Variants in PEX14 observed in about 807,000 individuals in gnomAD.
The protein encoded by PEX14 is peroxisomal biogenesis factor 14, also known as peroxisomal membrane protein PEX14.
PEX14 carries 15 observed loss-of-function variants against 49.5 expected under a neutral mutation model. The observed-to-expected ratio is 0.30, with a 90% CI of 0.20 to 0.47. The LOEUF (loss-of-function observed/expected upper bound fraction) is 0.47. PEX14 is among the 20% of genes least tolerant of loss of function. The pLI is 1.00. For missense variants in PEX14, 398 were observed against 494.8 expected (o/e 0.80, Z 1.86); for synonymous variants, 210 against 212.7 (o/e 0.99, Z 0.11).
chr1:10,485,460 T>A (rs1641351651), intron 1 of PEX14, among the ~76,000 whole-genome samples: 1 of 150,948 alleles, frequency 6.6e-6, no homozygotes, highest in African/African-American at 2.5e-5. Flanking sequence ...AAGACTCAGG[T>A]GCATGCCACC....
At chr1:10,587,920 TA>T (rs1290613528) in intron 3 of PEX14, among the ~76,000 whole-genome samples, 3 of 64,074 alleles carry the variant, frequency 4.7e-5, no homozygotes, top group East Asian at 9.4e-4. Context: ...TTTTTTTTTT[TA>T]AAAAAAAAAG....
chr1:10,615,569 C>T (rs754735857), intron 4 of PEX14, among the ~76,000 whole-genome samples: 4 of 152,224 alleles, frequency 2.6e-5, no homozygotes, highest in African/African-American at 4.8e-5. Flanking sequence ...GAATTATCGG[C>T]CCCATGGAGG....
At chr1:10,527,871 A>G (rs1266254406) in intron 2 of PEX14, among the ~76,000 whole-genome samples, 1 of 152,078 alleles carries the variant, frequency 6.6e-6, no homozygotes, top group East Asian at 1.9e-4. Flanking sequence ...GGGTTTCGCC[A>G]TGTTGGCCAG....
rs149147716 is a variant in PEX14, at chr1:10,514,532, A to T, written c.84+19211A>T. ...TTCAAGGTTCCACGTTCACACAGGA[A>T]CTTTGGGCCTAAGACGCAACTCAAG... On this transcript the variant is annotated intron_variant, in intron 2 of 8. Coordinates refer to ENST00000356607, the MANE Select transcript of PEX14 (RefSeq NM_004565.3). This position sits in a 1 kb window ranked among gnomAD's most constrained non-coding sequence, Gnocchi z 4.4. Among the ~76,000 whole-genome samples the T allele has an allele frequency of 2.4e-3, 364 of 152,268 alleles. No individual in the cohort carries two copies. The highest frequency in any genetic ancestry group is 8.2e-3 in the African/African-American group (340 of 41,564).
chr1:10,498,710 A>T (rs1177741889), intron 2 of PEX14, among the ~76,000 whole-genome samples: 1 of 152,188 alleles, frequency 6.6e-6, no homozygotes, highest in Non-Finnish European at 1.5e-5. Context: ...AGGGCTAGAG[A>T]TTGGTGAACA....
intron 3 of PEX14, among the ~76,000 whole-genome samples, chr1:10,572,996 A>C (rs964815641): frequency 1.3e-5 from 2 of 152,214 alleles, no homozygotes; most frequent in African/African-American, 2.4e-5. Context: ...GTTACTGAAA[A>C]GGATACTGTA....
At position 10,497,312 on chromosome 1, in the gene PEX14, C is replaced by T. The variant is rs372271544; in HGVS notation, c.84+1991C>T. ...AGGGCGGGGGCACAAGATGGGCAGC[C>T]CCCTTGCACAGAAAGCCCCACAGCT... On this transcript the variant is annotated intron_variant, in intron 2 of 8. Coordinates refer to ENST00000356607, the MANE Select transcript of PEX14 (RefSeq NM_004565.3). Among the ~76,000 whole-genome samples, 31 of 152,278 alleles carry T rather than the reference C, an allele frequency of 2.0e-4. 1 individual carries two copies. In the South Asian group the frequency reaches 6.4e-3, roughly 32 times the overall value.
At position 10,574,962 on chromosome 1, in the gene PEX14, A is replaced by G. The variant is rs531680870; in HGVS notation, c.170-24276A>G. Among the ~76,000 whole-genome samples the G allele has an allele frequency of 7.9e-5, 12 of 152,126 alleles. No individual in the cohort carries two copies. The South Asian group carries it at 1.9e-3, about 24-fold the overall frequency. On this transcript the variant is annotated intron_variant, in intron 3 of 8. Coordinates refer to ENST00000356607, the MANE Select transcript of PEX14 (RefSeq NM_004565.3). ...CCCATCTGAAAAAAATTCGTAAAAG[A>G]TAAACCAGGTATGGTGGTGTGCACT...
chr1:10,511,767 C>T (rs556779858), intron 2 of PEX14, among the ~76,000 whole-genome samples: 13 of 152,032 alleles, frequency 8.6e-5, no homozygotes, highest in African/African-American at 2.2e-4. Flanking sequence ...CTCTGTGGCC[C>T]GTGGGACCTC....
Position 10,628,574 on chromosome 1 carries a change from C to T in PEX14, c.678-957C>T, listed in dbSNP as rs1430217361. Among the ~76,000 whole-genome samples, 3 of 152,286 alleles carry T rather than the reference C, an allele frequency of 2.0e-5. No individual in the cohort carries two copies. Among genetic ancestry groups the T allele is most frequent in the Non-Finnish European group, 4.4e-5 (3 of 68,054 alleles). On this transcript the variant is annotated intron_variant, in intron 8 of 8. Coordinates refer to ENST00000356607, the MANE Select transcript of PEX14 (RefSeq NM_004565.3). This position sits in a 1 kb window ranked among gnomAD's most constrained non-coding sequence, Gnocchi z 4.5. ...CAGAGCATTGTCATTAGGAGACAGC[C>T]TCCATTTTCCCTAACCGAGACCAGT...
chr1:10,556,315 T>A (rs1018201283), intron 3 of PEX14, among the ~76,000 whole-genome samples: 11 of 152,244 alleles, frequency 7.2e-5, no homozygotes, highest in African/African-American at 2.6e-4. Context: ...GCAGCTGTGA[T>A]CAGAATTCCA....
At chr1:10,523,954 C>T (rs1378958155) in intron 2 of PEX14, among the ~76,000 whole-genome samples, 1 of 151,754 alleles carries the variant, frequency 6.6e-6, no homozygotes, top group Admixed American at 6.6e-5. Context: ...ATAAAAGCTC[C>T]TTTATTACTT....
intron 3 of PEX14, among the ~76,000 whole-genome samples, chr1:10,542,054 G>C (rs1352400335): frequency 2.0e-5 from 3 of 150,324 alleles, no homozygotes; most frequent in Non-Finnish European, 2.9e-5. Flanking sequence ...AAAGGAAAGT[G>C]ACAAAATGAC....
intron 3 of PEX14, among the ~76,000 whole-genome samples, chr1:10,548,370 G>A (rs1423004887): frequency 1.3e-5 from 2 of 152,234 alleles, no homozygotes; most frequent in African/African-American, 2.4e-5. Flanking sequence ...TATTGGAACT[G>A]TTGGAAAATG....
Position 10,490,097 on chromosome 1 carries a change from G to A in PEX14, c.37-5177G>A, listed in dbSNP as rs79834892. ...AATGTGAGGTGGTGGTATTATTCCC[G>A]TTATTCCCATAGATGAGGAAACTGA... On this transcript the variant is annotated intron_variant, in intron 1 of 8. Coordinates refer to ENST00000356607, the MANE Select transcript of PEX14 (RefSeq NM_004565.3). Among the ~76,000 whole-genome samples the A allele has an allele frequency of 2.2e-3, 338 of 152,268 alleles. 2 individuals carry two copies. The highest frequency in any genetic ancestry group is 7.7e-3 in the African/African-American group (318 of 41,542).
At chr1:10,591,635 C>CTGTGTGTGTGTG (rs61635531) in intron 3 of PEX14, among the ~76,000 whole-genome samples, 53 of 139,738 alleles carry the variant, frequency 3.8e-4, no homozygotes, top group African/African-American at 8.6e-4. Context: ...GGTATACACA[C>CTGTGTGTGTGTG]TGTGTGTGTG....
Position 10,625,882 on chromosome 1 carries a change from T to C in PEX14, c.586-1390T>C, listed in dbSNP as rs1331565085. ...GCCCCTCAGAGTCCCTCGAGCTGGC[T>C]TTGCTGCCGCTGTCCCTGGCCCACC... On this transcript the variant is annotated intron_variant, in intron 7 of 8. Transcript: ENST00000356607. 2.0e-5 allele frequency among the ~76,000 whole-genome samples: 3 copies of C among 152,308 alleles called. No homozygotes were observed. In the East Asian group the frequency reaches 5.8e-4, roughly 29 times the overall value.
chr1:10,629,879 C>T lies in PEX14; in HGVS notation c.1026C>T (p.Cys342=), dbSNP rs970266846. Residue 342 remains cysteine, a synonymous_variant, in exon 9 of 9, where the codon TGC becomes TGT. Transcript: ENST00000356607. The surrounding 1 kb of genome is among the most constrained non-coding windows in gnomAD (Gnocchi z 8.5). The part of the protein sequence containing the change: ...DDVSHVDEED[C]LGVQREDRRG... ...TGAGCCATGTGGACGAGGAGGACTG[C>T]CTGGGGGTGCAGAGGGAGGACCGCC... 1.2e-6 allele frequency: 2 copies of T among 1,612,790 alleles called. No homozygotes were observed. The highest frequency in any genetic ancestry group is 2.7e-5 in the African/African-American group (2 of 74,890).
In PEX14 at chr1:10,491,733, T is replaced by C. The variant is rs191999664; in HGVS notation, c.37-3541T>C. Among the ~76,000 whole-genome samples, 457 of 135,884 alleles carry C rather than the reference T, an allele frequency of 3.4e-3. 5 individuals are homozygous for C. The highest frequency in any genetic ancestry group is 0.012 in the African/African-American group (416 of 35,476). 89.1% of individuals were successfully genotyped at this position (135,884 alleles called of 152,430 possible). ...TCTCACTCTGTCACCTAGATTGGAGTGCAGTGGCATGATCTCAGCTCACTG... is the reference window on the plus strand; with the variant it reads ...TCTCACTCTGTCACCTAGATTGGAGCGCAGTGGCATGATCTCAGCTCACTG... On this transcript the variant is annotated intron_variant, in intron 1 of 8. Coordinates refer to ENST00000356607, the MANE Select transcript of PEX14 (RefSeq NM_004565.3).
Sources: allele counts gnomAD v4.1 joint callset (sites outside exome capture counted in the v4.1 genomes callset), GRCh38; gene constraint gnomAD v4.1.1; non-coding constraint Gnocchi (gnomAD v3.1); transcripts MANE v1.5; gene names NCBI Gene and HGNC (gene_info 2026-07-23, HGNC 2026-07-21).